The following NFATC1 variants were observed in gnomAD, a reference collection of about 807,000 sequenced individuals.
NFATC1 encodes nuclear factor of activated T-cells, cytoplasmic 1.
In NFATC1, 22 loss-of-function variants were observed where a neutral mutation model predicts 76.0. That is an observed-to-expected ratio of 0.29 (90% confidence interval 0.21 to 0.41). NFATC1 has a LOEUF of 0.41. NFATC1 is among the 10% of genes least tolerant of loss of function. NFATC1 has a pLI of 1.00. For synonymous variants in NFATC1, 704 were observed against 613.1 expected, an observed-to-expected ratio of 1.15 and a Z score of -2.19; for missense variants, 1,357 against 1,337.7, an observed-to-expected ratio of 1.01 and a Z score of -0.23.
chr18:79,473,786 T>C, intron 8 of NFATC1, among the ~76,000 whole-genome samples: 1 of 145,846 alleles, frequency 6.9e-6, no homozygotes, highest in South Asian at 2.2e-4. Flanking sequence ...GACATAAACC[T>C]GAGGGAAGCG....
At position 79,465,001 on chromosome 18, in the gene NFATC1, G is replaced by A. The variant is rs908458582; in HGVS notation, c.1960-2449G>A. 5.3e-5 allele frequency among the ~76,000 whole-genome samples: 8 copies of A among 152,002 alleles called. No homozygotes were observed. Among genetic ancestry groups the A allele is most frequent in the Admixed American group, 1.3e-4 (2 of 15,264 alleles). ...ATGACAGGTGTGAGCCACCGTGCCC[G>A]CCTGTGCATATTTTGTGAACAAAAT... On this transcript the variant is annotated intron_variant, in intron 7 of 9. Coordinates refer to ENST00000427363, the MANE Select transcript of NFATC1 (RefSeq NM_001278669.2). The surrounding 1 kb of genome is among the most constrained non-coding windows in gnomAD (Gnocchi z 4.2).
intron 1 of NFATC1, among the ~76,000 whole-genome samples, chr18:79,402,162 C>T (rs1319197387): frequency 2.0e-5 from 3 of 152,130 alleles, no homozygotes; most frequent in Non-Finnish European, 2.9e-5. Context: ...AGGACACCGC[C>T]GGCGGCGGCA....
chr18:79,412,539 C>T (rs1267263648), intron 2 of NFATC1, among the ~76,000 whole-genome samples: 1 of 152,018 alleles, frequency 6.6e-6, no homozygotes, highest in African/African-American at 2.4e-5. Context: ...AGCCCCCATG[C>T]CTGCAGGGTG....
chr18:79,481,932 G>A (rs1569015399), intron 8 of NFATC1, among the ~76,000 whole-genome samples: 1 of 141,016 alleles, frequency 7.1e-6, no homozygotes, highest in Non-Finnish European at 1.5e-5. Context: ...GTGTGACGTG[G>A]TCCTGGGGTG....
chr18:79,420,084 C>T (rs1268581847), intron 2 of NFATC1, among the ~76,000 whole-genome samples: 2 of 152,228 alleles, frequency 1.3e-5, no homozygotes, highest in African/African-American at 4.8e-5. Context: ...CAAGGTTTCC[C>T]ATGTGAGACC....
Position 79,396,054 on chromosome 18 carries a change from C to T in NFATC1, c.-171C>T, listed in dbSNP as rs1435468989. ...AGCCACCGCGCAGGTCCTAGGGCCG[C>T]GGCCGGGCCCCGCCACGCGCGCACA... is the stretch of plus-strand genomic sequence containing the variant. On this transcript the variant is annotated 5_prime_UTR_variant, in exon 1 of 10. Coordinates refer to ENST00000427363, the MANE Select transcript of NFATC1 (RefSeq NM_001278669.2). 2 of 788,648 alleles carry T rather than the reference C, an allele frequency of 2.5e-6. No homozygotes were observed. The highest frequency in any genetic ancestry group is 3.2e-6 in the Non-Finnish European group (2 of 615,422). 48.9% of individuals were successfully genotyped at this position (788,648 alleles called of 1,614,324 possible). A position where few individuals can be genotyped will look rare whatever the true frequency, so the allele number is the denominator to read the frequency against.
intron 2 of NFATC1, among the ~76,000 whole-genome samples, chr18:79,431,656 T>C (rs2086592658): frequency 6.6e-6 from 1 of 152,062 alleles, no homozygotes; most frequent in Non-Finnish European, 1.5e-5. Flanking sequence ...CTCCCAAAGT[T>C]TTGGGATTAC....
rs2090697075 is a variant in NFATC1, at chr18:79,524,478, G to C, written c.2783-3050G>C. 6.6e-6 allele frequency among the ~76,000 whole-genome samples: 1 copy of C among 152,204 alleles called. No homozygotes were observed. On this transcript the variant is annotated intron_variant, in intron 9 of 9. Coordinates refer to ENST00000427363, the MANE Select transcript of NFATC1 (RefSeq NM_001278669.2). The surrounding 1 kb of genome is among the most constrained non-coding windows in gnomAD (Gnocchi z 7.2). ...ATGGGGCAGCGGGAAGGCCCTGGAG[G>C]GTGCCTGGGCTGTGTCTGGTCCCGG...
At chr18:79,408,280 C>G (rs1293907551) in intron 1 of NFATC1, among the ~76,000 whole-genome samples, 3 of 152,140 alleles carry the variant, frequency 2.0e-5, no homozygotes, top group Non-Finnish European at 4.4e-5. Context: ...TGCAGTTGCA[C>G]CAGGAGATGA....
chr18:79,419,374 C>G (rs59376930), intron 2 of NFATC1, among the ~76,000 whole-genome samples: 2 of 152,088 alleles, frequency 1.3e-5, no homozygotes, highest in African/African-American at 4.8e-5. Flanking sequence ...GACCGAGTGC[C>G]CGGGAGCCCC....
At chr18:79,429,595 G>A (rs984588807) in intron 2 of NFATC1, among the ~76,000 whole-genome samples, 2 of 152,180 alleles carry the variant, frequency 1.3e-5, no homozygotes, top group African/African-American at 2.4e-5. Flanking sequence ...GGAGTGGAGT[G>A]GGGTGGAGAG....
At chr18:79,511,660 C>T (rs1164428802) in intron 9 of NFATC1, among the ~76,000 whole-genome samples, 2 of 152,136 alleles carry the variant, frequency 1.3e-5, no homozygotes, top group African/African-American at 4.8e-5. Flanking sequence ...CCCTGAGCTC[C>T]TGAGGCAGTC....
intron 7 of NFATC1, among the ~76,000 whole-genome samples, chr18:79,461,888 C>T (rs948956119): frequency 6.6e-6 from 1 of 152,226 alleles, no homozygotes; most frequent in Non-Finnish European, 1.5e-5. Context: ...CGCCGACCTC[C>T]CCTGTGATGG....
At chr18:79,480,142 G>A (rs551165648) in intron 8 of NFATC1, among the ~76,000 whole-genome samples, 10 of 152,330 alleles carry the variant, frequency 6.6e-5, no homozygotes, top group Non-Finnish European at 1.0e-4. Context: ...ACAAGATGCC[G>A]TCGTGGGTGG....
intron 9 of NFATC1, 67 bp downstream of exon 9, chr18:79,487,004 C>T (rs1378343896): frequency 8.7e-6 from 13 of 1,486,112 alleles, no homozygotes; most frequent in African/African-American, 1.4e-5. Flanking sequence ...ATGGAGGGGC[C>T]GTGTGCGTGC....
chr18:79,443,599 C>T (rs1314648570), intron 3 of NFATC1, among the ~76,000 whole-genome samples: 1 of 152,366 alleles, frequency 6.6e-6, no homozygotes, highest in African/African-American at 2.4e-5. Context: ...GTAACCTCCG[C>T]CGTTCAGGCC....
At chr18:79,405,758 T>G (rs2085414723) in intron 1 of NFATC1, among the ~76,000 whole-genome samples, 1 of 152,242 alleles carries the variant, frequency 6.6e-6, no homozygotes, top group South Asian at 2.1e-4. Flanking sequence ...GGTGAGCCCT[T>G]TTTGTTTTTT....
At chr18:79,492,690 C>T (rs2089716539) in intron 9 of NFATC1, among the ~76,000 whole-genome samples, 1 of 147,300 alleles carries the variant, frequency 6.8e-6, no homozygotes, top group South Asian at 2.1e-4. Context: ...GCCTGGGTGA[C>T]AGAGCGAGAC....
At chr18:79,514,829 T>C (rs1190928335) in intron 9 of NFATC1, among the ~76,000 whole-genome samples, 1 of 151,612 alleles carries the variant, frequency 6.6e-6, no homozygotes, top group Non-Finnish European at 1.5e-5. Flanking sequence ...GAGGATCACT[T>C]GAGCCCAGGA....
Sources: allele counts gnomAD v4.1 joint callset (sites outside exome capture counted in the v4.1 genomes callset), GRCh38; gene constraint gnomAD v4.1.1; non-coding constraint Gnocchi (gnomAD v3.1); transcripts MANE v1.5; gene names NCBI Gene and HGNC (gene_info 2026-07-23, HGNC 2026-07-21).